Variants in BRAF observed in about 807,000 individuals in gnomAD.
BRAF encodes B-Raf proto-oncogene, serine/threonine kinase.
Under a neutral mutation model 104.6 loss-of-function variants are expected in BRAF, and 16 were observed. That is an observed-to-expected ratio of 0.15 (90% confidence interval 0.10 to 0.23). The LOEUF (loss-of-function observed/expected upper bound fraction) is 0.23. Ranked by LOEUF, BRAF falls within the 10% of genes least tolerant of loss-of-function variation. BRAF has a pLI of 1.00. For synonymous variants in BRAF, 310 were observed against 341.6 expected (o/e 0.91, Z 1.02); for missense variants, 541 against 937.3 (o/e 0.58, Z 5.52).
chr7:140,734,797 G>GAAAAAAAAAATA, intron 18 of BRAF, 27 bp from the exon 18 acceptor site: 1 of 1,126,488 alleles, frequency 8.9e-7, no homozygotes, highest in African/African-American at 2.1e-5. Context: ...AAAAAAAAAA[G>GAAAAAAAAAATA]AAAAAAAAAG....
In BRAF at chr7:140,725,084, G is replaced by A; in HGVS notation, c.*1410C>T. 9.6e-7 allele frequency: 1 copy of A among 1,045,028 alleles called. No homozygotes were observed. Among genetic ancestry groups the A allele is most frequent in the Non-Finnish European group, 1.2e-6 (1 of 866,488 alleles). The allele number at this position is 1,045,028 out of a possible 1,614,324, so 64.7% of individuals were successfully genotyped here. A position where few individuals can be genotyped will look rare whatever the true frequency, so the allele number is the denominator to read the frequency against. Reference sequence around the variant, plus strand: ...CTATTCTCTGTCTGGGAATTCAGCTGCCAAATTGCCCAACCTTTTGAAGAC... The same window carrying A: ...CTATTCTCTGTCTGGGAATTCAGCTACCAAATTGCCCAACCTTTTGAAGAC... On this transcript the variant is annotated 3_prime_UTR_variant, in exon 20 of 20. Coordinates refer to ENST00000644969, the MANE Select transcript of BRAF (RefSeq NM_001374258.1).
rs565060662 is a variant in BRAF, at chr7:140,909,197, G to A, written c.138+15369C>T. 4.8e-4 allele frequency among the ~76,000 whole-genome samples: 73 copies of A among 151,970 alleles called. No homozygotes were observed. The South Asian group carries it at 5.4e-3, about 11-fold the overall frequency. On this transcript the variant is annotated intron_variant, in intron 1 of 19. Coordinates refer to ENST00000644969, the MANE Select transcript of BRAF (RefSeq NM_001374258.1). ...TCCCAGCACTTTGGGAGGCCGAGGC[G>A]GGCAGATCACCTGAGGTCGGGAGTT...
chr7:140,783,252 T>C (rs1586147267), intron 10 of BRAF, 95 bp from the exon 10 acceptor site: 1 of 1,449,214 alleles, frequency 6.9e-7, no homozygotes, highest in South Asian at 1.2e-5. Flanking sequence ...GACTTAATTT[T>C]AAAATGTAGT....
chr7:140,865,535 A>G (rs1586458515), intron 1 of BRAF, among the ~76,000 whole-genome samples: 1 of 152,290 alleles, frequency 6.6e-6, no homozygotes, highest in East Asian at 1.9e-4. Context: ...ATATGATGAA[A>G]AGAGAGAAAA....
intron 12 of BRAF, chr7:140,781,099 A>G (rs1271852186): frequency 6.1e-6 from 1 of 164,248 alleles, no homozygotes; most frequent in African/African-American, 2.4e-5. Flanking sequence ...CACCCAGCTA[A>G]TTTTTGTATT....
At chr7:140,845,528 A>T (rs992913749) in intron 2 of BRAF, among the ~76,000 whole-genome samples, 1 of 152,222 alleles carries the variant, frequency 6.6e-6, no homozygotes, top group African/African-American at 2.4e-5. Flanking sequence ...ATGGACCAAG[A>T]ACTTAAATCA....
chr7:140,825,397 A>G (rs1435704761), intron 3 of BRAF, among the ~76,000 whole-genome samples: 1 of 152,158 alleles, frequency 6.6e-6, no homozygotes, highest in Admixed American at 6.6e-5. Context: ...TCTTTTGAAG[A>G]GCAGAAGTTT....
chr7:140,782,280 AAT>A (rs1272856980), intron 11 of BRAF, among the ~76,000 whole-genome samples: 1 of 152,154 alleles, frequency 6.6e-6, no homozygotes, highest in African/African-American at 2.4e-5. Flanking sequence ...AAATAAGTAA[AAT>A]GTTTTTATCA....
At chr7:140,869,808 A>C (rs995723143) in intron 1 of BRAF, among the ~76,000 whole-genome samples, 4 of 152,230 alleles carry the variant, frequency 2.6e-5, no homozygotes, top group Non-Finnish European at 5.9e-5. Flanking sequence ...ACTTTAAAAT[A>C]CCTTCAGAAA....
chr7:140,759,665 C>T (rs1418668054), intron 14 of BRAF, among the ~76,000 whole-genome samples: 7 of 152,188 alleles, frequency 4.6e-5, no homozygotes, highest in Non-Finnish European at 1.0e-4. Flanking sequence ...GGATTAGAGG[C>T]GTGAGCCACC....
At chr7:140,782,943 CT>C in intron 11 of BRAF, 77 bp downstream of exon 10, 2 of 1,501,204 alleles carry the variant, frequency 1.3e-6, no homozygotes, top group Non-Finnish European at 1.8e-6. Flanking sequence ...CATAATATAT[CT>C]AAAGGATAAT....
At chr7:140,787,870 A>C (rs569647098) in intron 8 of BRAF, among the ~76,000 whole-genome samples, 8 of 152,298 alleles carry the variant, frequency 5.3e-5, no homozygotes, top group African/African-American at 1.7e-4. Context: ...TATCCTCAAC[A>C]ATCTAATGCA....
rs867873321 is a variant in BRAF, at chr7:140,826,324, T to C, written c.504+8285A>G. On this transcript the variant is annotated intron_variant, in intron 3 of 19. Coordinates refer to ENST00000644969, the MANE Select transcript of BRAF (RefSeq NM_001374258.1). Reference sequence around the variant, plus strand: ...AGATAACTGTTTCTTTTGAACTTTCTACATTTCTTTTTTTCTATGTTTTCA... The same window carrying C: ...AGATAACTGTTTCTTTTGAACTTTCCACATTTCTTTTTTTCTATGTTTTCA... Among the ~76,000 whole-genome samples, 4 of 152,358 alleles carry C rather than the reference T, an allele frequency of 2.6e-5. No individual in the cohort carries two copies. In the South Asian group the frequency reaches 8.3e-4, roughly 32 times the overall value.
intron 1 of BRAF, among the ~76,000 whole-genome samples, chr7:140,891,722 C>T: frequency 6.6e-6 from 1 of 151,820 alleles, no homozygotes; most frequent in East Asian, 1.9e-4. Flanking sequence ...TTCCAAATGC[C>T]TCCCAGCAGG....
In BRAF at chr7:140,722,036, C is replaced by G. The variant is rs1006293629; in HGVS notation, c.*4458G>C. 13 of 1,123,636 alleles carry G rather than the reference C, an allele frequency of 1.2e-5. No individual in the cohort carries two copies. The highest frequency in any genetic ancestry group is 4.9e-5 in the Admixed American group (1 of 20,322). 69.6% of individuals were successfully genotyped at this position (1,123,636 alleles called of 1,614,324 possible). A position where few individuals can be genotyped will look rare whatever the true frequency, so the allele number is the denominator to read the frequency against. ...AAGTTAATACATGATTGCTGCCCAT[C>G]ATACAGTACTTCAACCCTAAACTAC... On this transcript the variant is annotated 3_prime_UTR_variant, in exon 20 of 20. Coordinates refer to ENST00000644969, the MANE Select transcript of BRAF (RefSeq NM_001374258.1).
At chr7:140,772,124 G>A (rs1014923370) in intron 14 of BRAF, among the ~76,000 whole-genome samples, 2 of 152,136 alleles carry the variant, frequency 1.3e-5, no homozygotes, top group Non-Finnish European at 2.9e-5. Flanking sequence ...ACATGAGGCT[G>A]AAATGAGTGA....
At chr7:140,745,283 TAAAA>T (rs1179518673) in intron 17 of BRAF, among the ~76,000 whole-genome samples, 1 of 152,100 alleles carries the variant, frequency 6.6e-6, no homozygotes, top group Non-Finnish European at 1.5e-5. Flanking sequence ...GATGCCAACT[TAAAA>T]AATATACAAG....
At position 140,800,137 on chromosome 7, in the gene BRAF, C is replaced by T. The variant is rs545661548; in HGVS notation, c.980+225G>A. 1.8e-4 allele frequency: 111 copies of T among 627,394 alleles called. No homozygotes were observed. The African/African-American group carries it at 1.9e-3, about 11-fold the overall frequency. The allele number at this position is 627,394 out of a possible 1,614,324, so 38.9% of individuals were successfully genotyped here. A position where few individuals can be genotyped will look rare whatever the true frequency, so the allele number is the denominator to read the frequency against. ...CTGAAGAGCAGAAGTCAAATCATAC[C>T]CAATATTGATTTTTTCAGGACTGAT... On this transcript the variant is annotated intron_variant, in intron 7 of 19. Coordinates refer to ENST00000644969, the MANE Select transcript of BRAF (RefSeq NM_001374258.1).
chr7:140,716,890 G>A (rs927308927), downstream of BRAF, among the ~76,000 whole-genome samples: 2 of 152,282 alleles, frequency 1.3e-5, no homozygotes, highest in African/African-American at 4.8e-5. Context: ...TGACCCTGTC[G>A]CCTGCTGCAA....
Sources: gnomAD v4.1 joint callset for allele counts (sites outside exome capture counted in the v4.1 genomes callset) on GRCh38, gnomAD v4.1.1 for gene constraint, MANE v1.5 for transcripts, NCBI Gene and HGNC (gene_info 2026-07-23, HGNC 2026-07-21) for gene names.